SOX6: variants seen among roughly 807,000 people sequenced by gnomAD.
SOX6 encodes SRY-box transcription factor 6, also known as transcription factor SOX-6.
Under a neutral mutation model 97.8 loss-of-function variants are expected in SOX6, and 11 were observed. That is an observed-to-expected ratio of 0.11 (90% CI 0.07 to 0.19). The LOEUF is 0.19. Ranked by LOEUF, SOX6 falls within the 10% of genes least tolerant of loss-of-function variation. The pLI is 1.00. For missense variants in SOX6, 810 were observed against 1,039.5 expected (o/e 0.78, Z 3.04); for synonymous variants, 360 against 371.4 (o/e 0.97, Z 0.35).
rs571732030 is a variant in SOX6 at position 16,186,716 on chromosome 11, T to C, written c.708+67A>G. The C allele has an allele frequency of 2.6e-6, 4 of 1,539,640 alleles. No homozygotes were observed. The African/African-American group carries it at 5.4e-5, about 21-fold the overall frequency. ...AGCTTACAACAAATAAGCCAATCAA[T>C]TTGATTACTCTCTGAGCCTGGCACA... is the stretch of plus-strand genomic sequence containing the variant. On this transcript the variant is annotated intron_variant, in intron 5 of 15. Coordinates refer to ENST00000683767, the MANE Select transcript of SOX6 (RefSeq NM_001367873.1).
intron 13 of SOX6, among the ~76,000 whole-genome samples, chr11:16,011,439 G>T (rs1854723402): frequency 6.6e-6 from 1 of 152,014 alleles, no homozygotes; most frequent in Non-Finnish European, 1.5e-5. Context: ...AATAACAGCT[G>T]GACTTTAAAA....
At chr11:16,601,547 G>A (rs1442434046) in intron 4 of SOX6, among the ~76,000 whole-genome samples, 1 of 152,054 alleles carries the variant, frequency 6.6e-6, no homozygotes, top group Non-Finnish European at 1.5e-5. Flanking sequence ...TCACTAACAA[G>A]AGAATGCTTT....
intron 13 of SOX6, among the ~76,000 whole-genome samples, chr11:16,000,903 C>T (rs963239341): frequency 4.6e-5 from 7 of 152,132 alleles, no homozygotes; most frequent in African/African-American, 1.7e-4. Flanking sequence ...GTCACCCAGG[C>T]TGGAGTGCAG....
At chr11:16,673,283 T>C (rs1333018709) in intron 3 of SOX6, among the ~76,000 whole-genome samples, 3 of 151,570 alleles carry the variant, frequency 2.0e-5, no homozygotes, top group Non-Finnish European at 4.4e-5. Flanking sequence ...GAAATTGAAA[T>C]GAAGAAAAGA....
At chr11:16,040,152 G>T (rs531095346) in intron 12 of SOX6, among the ~76,000 whole-genome samples, 15 of 152,052 alleles carry the variant, frequency 9.9e-5, no homozygotes, top group African/African-American at 3.6e-4. Flanking sequence ...GTGGCCTTTT[G>T]ACTAAAACAT....
At chr11:15,977,758 A>G (rs1853531980) in intron 15 of SOX6, among the ~76,000 whole-genome samples, 1 of 152,072 alleles carries the variant, frequency 6.6e-6, no homozygotes, top group African/African-American at 2.4e-5. Context: ...TTCAGCCATC[A>G]TATTGCACAT....
intron 1 of SOX6, among the ~76,000 whole-genome samples, chr11:16,396,393 C>T (rs1858356092): frequency 6.6e-6 from 1 of 151,592 alleles, no homozygotes; most frequent in Non-Finnish European, 1.5e-5. Context: ...TGTGTATTTT[C>T]ACAAATACAC....
chr11:16,351,900 G>A (rs998989410), intron 1 of SOX6, among the ~76,000 whole-genome samples: 4 of 151,988 alleles, frequency 2.6e-5, no homozygotes, highest in African/African-American at 9.7e-5. Context: ...AACTTCTCAA[G>A]GGTGAGAACA....
intron 1 of SOX6, among the ~76,000 whole-genome samples, chr11:16,353,491 AT>A (rs1251734866): frequency 3.3e-5 from 5 of 151,986 alleles, no homozygotes; most frequent in African/African-American, 1.2e-4. Flanking sequence ...AAATTTCCAC[AT>A]TTTTTTATAC....
At chr11:16,595,666 T>A (rs1265967642) in intron 4 of SOX6, among the ~76,000 whole-genome samples, 1 of 149,970 alleles carries the variant, frequency 6.7e-6, no homozygotes. Flanking sequence ...TCGCAGCTAC[T>A]CAGGAGGCTG....
chr11:16,319,610 G>C (rs113824434), intron 2 of SOX6, among the ~76,000 whole-genome samples: 1 of 150,474 alleles, frequency 6.6e-6, no homozygotes, highest in African/African-American at 2.4e-5. Context: ...TTTTGTCCTT[G>C]CGATAGTTTG....
At chr11:16,286,468 T>A (rs1023576858) in intron 3 of SOX6, among the ~76,000 whole-genome samples, 4 of 152,170 alleles carry the variant, frequency 2.6e-5, no homozygotes, top group African/African-American at 9.7e-5. Context: ...AGATACAGCA[T>A]ATCCTTCAAT....
At chr11:16,449,636 C>T (rs1427064986) in intron 1 of SOX6, among the ~76,000 whole-genome samples, 2 of 152,118 alleles carry the variant, frequency 1.3e-5, no homozygotes, top group Non-Finnish European at 2.9e-5. Flanking sequence ...AATTGGTTGC[C>T]TGCCATGTAT....
At chr11:16,412,705 C>T (rs932996907) in intron 1 of SOX6, among the ~76,000 whole-genome samples, 1 of 152,148 alleles carries the variant, frequency 6.6e-6, no homozygotes, top group African/African-American at 2.4e-5. Flanking sequence ...GGACTCAGTA[C>T]TTAAATGGTA....
In SOX6 at chr11:15,973,044, G is replaced by C. The variant is rs766414149; in HGVS notation, c.2252C>G (p.Thr751Ser). The change falls in exon 16 of 16, where the codon ACT becomes AGT. Residue 751 changes from threonine to serine, a missense_variant. This residue lies in a region of SOX6 where 122 missense variants were observed against 153.4 expected (regional missense o/e 0.80). Coordinates refer to ENST00000683767, the MANE Select transcript of SOX6 (RefSeq NM_001367873.1). ...TGTCATCTGAGGCGATGGTGTGGTA[G>C]TTGCCATAGTGATAGCACCAGGATA... Reference protein sequence around the residue: ...VVYPGAITMATTTPSPQMTSD... With the variant: ...VVYPGAITMASTTPSPQMTSD... The C allele has an allele frequency of 1.2e-6, 2 of 1,614,158 alleles. No homozygotes were observed. The highest frequency in any genetic ancestry group is 8.5e-7 in the Non-Finnish European group (1 of 1,180,024).
chr11:16,296,884 T>A (rs982427490), intron 3 of SOX6, among the ~76,000 whole-genome samples: 1 of 152,006 alleles, frequency 6.6e-6, no homozygotes, highest in African/African-American at 2.4e-5. Context: ...AATAGTGGAA[T>A]CTTCAGAGGA....
At chr11:16,379,344 T>C (rs1324774037) in intron 1 of SOX6, among the ~76,000 whole-genome samples, 1 of 151,990 alleles carries the variant, frequency 6.6e-6, no homozygotes, top group Admixed American at 6.6e-5. Flanking sequence ...CTCATGCCTG[T>C]AATCCCAGCT....
intron 4 of SOX6, among the ~76,000 whole-genome samples, chr11:16,537,737 T>C (rs1278389100): frequency 1.3e-5 from 2 of 151,844 alleles, no homozygotes; most frequent in Non-Finnish European, 2.9e-5. Flanking sequence ...TGATTGCAGA[T>C]CAAATTAATG....
intron 3 of SOX6, among the ~76,000 whole-genome samples, chr11:16,303,285 C>T (rs1231483485): frequency 2.0e-5 from 3 of 152,090 alleles, no homozygotes; most frequent in Non-Finnish European, 2.9e-5. Flanking sequence ...ATATTATATG[C>T]TAAGATCCAT....
Sources: allele counts gnomAD v4.1 joint callset (sites outside exome capture counted in the v4.1 genomes callset), GRCh38; gene constraint gnomAD v4.1.1; regional missense constraint gnomAD v4.1.1; transcripts MANE v1.5; gene names NCBI Gene and HGNC (gene_info 2026-07-23, HGNC 2026-07-21).